The following HIF1A variants were observed in gnomAD, a reference collection of about 807,000 sequenced individuals.
HIF1A encodes hypoxia inducible factor 1 subunit alpha, also known as hypoxia-inducible factor 1-alpha.
In HIF1A, 24 loss-of-function variants were observed where a neutral mutation model predicts 92.7. The ratio of observed to expected loss-of-function variants is 0.26; its 90% CI spans 0.19 to 0.36. HIF1A has a LOEUF of 0.36. HIF1A is among the 10% of genes least tolerant of loss of function. The pLI, the probability that HIF1A is intolerant of heterozygous loss-of-function variation, is 1.00. For missense variants in HIF1A, 799 were observed against 998.5 expected (o/e 0.80, Z 2.69); for synonymous variants, 319 against 338.7 (o/e 0.94, Z 0.64).
At chr14:61,714,145 G>A (rs2044337798) in intron 1 of HIF1A, among the ~76,000 whole-genome samples, 1 of 152,168 alleles carries the variant, frequency 6.6e-6, no homozygotes, top group South Asian at 2.1e-4. Context: ...TGTGTGTAAG[G>A]AGTATATCTT....
intron 8 of HIF1A, among the ~76,000 whole-genome samples, chr14:61,734,516 A>G (rs534356571): frequency 2.0e-5 from 3 of 152,114 alleles, no homozygotes; most frequent in Admixed American, 6.6e-5. Context: ...CTTCACTCCT[A>G]TTTTTAAAAA....
chr14:61,709,409 A>C (rs1052259283), intron 1 of HIF1A, among the ~76,000 whole-genome samples: 2 of 152,240 alleles, frequency 1.3e-5, no homozygotes, highest in Non-Finnish European at 2.9e-5. Context: ...AAAAATTTAC[A>C]CATTATGGCT....
Position 61,738,185 on chromosome 14 carries a change from A to G in HIF1A, c.1348A>G (p.Met450Val), listed in dbSNP as rs1594884549. Residue 450 changes from methionine to valine, a missense_variant, in exon 10 of 15, where the codon ATG (methionine) becomes GTG (valine). Coordinates refer to ENST00000337138, the MANE Select transcript of HIF1A (RefSeq NM_001530.4). The stretch of plus-strand genomic sequence containing the variant: ...AAAATTACAGAATATAAATTTGGCA[A>G]TGTCTCCATTACCCACCGCTGAAAC... ...NEKLQNINLAMSPLPTAETPK... is the reference protein window; with the variant it reads ...NEKLQNINLAVSPLPTAETPK... 1.9e-6 allele frequency: 3 copies of G among 1,614,130 alleles called. No individual in the cohort carries two copies. The highest frequency in any genetic ancestry group is 4.5e-5 in the East Asian group (2 of 44,888).
At chr14:61,710,789 G>C (rs755608073) in intron 1 of HIF1A, among the ~76,000 whole-genome samples, 2 of 152,028 alleles carry the variant, frequency 1.3e-5, no homozygotes, top group African/African-American at 4.8e-5. Flanking sequence ...GGCCAGGCGC[G>C]GTGGCTCACG....
At chr14:61,735,878 CATA>C (rs1240684161) in intron 8 of HIF1A, among the ~76,000 whole-genome samples, 1 of 152,172 alleles carries the variant, frequency 6.6e-6, no homozygotes, top group Non-Finnish European at 1.5e-5. Flanking sequence ...GTGCCAATTT[CATA>C]ATGTGTGTCA....
chr14:61,741,360 CTTTCTTTTTTTTTTTTTT>C (rs1272855647), intron 12 of HIF1A, among the ~76,000 whole-genome samples, 172 bp downstream of exon 12: 2 of 61,604 alleles, frequency 3.2e-5, no homozygotes, highest in Non-Finnish European at 4.4e-5. Context: ...TTTTCTTTTT[CTTTCTTTTTTTTTTTTTT>C]GAGACAGAGT....
chr14:61,716,915 G>A (rs1020859085), intron 1 of HIF1A: 1 of 152,146 alleles, frequency 6.6e-6, no homozygotes, highest in Admixed American at 6.5e-5. Context: ...TAGAACAGTT[G>A]TAGAAATGGG....
intron 10 of HIF1A, among the ~76,000 whole-genome samples, chr14:61,738,742 G>A (rs1566576359): frequency 6.6e-6 from 1 of 152,024 alleles, no homozygotes. Flanking sequence ...CTTTTAGTTT[G>A]TTTTATTGTG....
chr14:61,715,274 G>A (rs568148628), intron 1 of HIF1A, among the ~76,000 whole-genome samples: 1 of 152,260 alleles, frequency 6.6e-6, no homozygotes, highest in East Asian at 1.9e-4. Context: ...CATTGTAGGT[G>A]CCTTTCAGTT....
At chr14:61,702,323 C>T (rs1026256069) in intron 1 of HIF1A, among the ~76,000 whole-genome samples, 6 of 149,688 alleles carry the variant, frequency 4.0e-5, no homozygotes, top group Non-Finnish European at 7.4e-5. Context: ...TGCCTGTAAT[C>T]CCAGCTACTC....
chr14:61,741,033 CA>C lies in HIF1A; in HGVS notation c.1939del (p.Ile647TyrfsTer31). 6.2e-7 allele frequency: 1 copy of C among 1,614,112 alleles called. No individual in the cohort carries two copies. On this transcript the variant is annotated frameshift_variant, in exon 12 of 15. Transcript: ENST00000337138. LOFTEE classifies it high-confidence loss of function. ...TGATTGCATCTCCATCTCCTACCCACATACATAAAGAAACTACTAGTGCCAC... is the reference window on the plus strand; with the variant it reads ...TGATTGCATCTCCATCTCCTACCCACTACATAAAGAAACTACTAGTGCCAC... ...ILIASPSPTH[I>X]HKETTSATSS...
At chr14:61,740,067 T>TTTTC (rs1555339362) in intron 10 of HIF1A, 2 of 118,566 alleles carry the variant, frequency 1.7e-5, no homozygotes, top group Non-Finnish European at 3.6e-5. Flanking sequence ...CACAAATTTT[T>TTTTC]TTTTTTTTTT....
chr14:61,719,600 G>T (rs2044402486), intron 1 of HIF1A, among the ~76,000 whole-genome samples: 1 of 152,188 alleles, frequency 6.6e-6, no homozygotes, highest in African/African-American at 2.4e-5. Context: ...GCTTTTGCTT[G>T]GTGTGACAAT....
Position 61,732,425 on chromosome 14 carries a change from G to T in HIF1A, c.781G>T (p.Glu261Ter). 6.3e-7 allele frequency: 1 copy of T among 1,596,314 alleles called. No individual in the cohort carries two copies. The highest frequency in any genetic ancestry group is 1.1e-5 in the South Asian group (1 of 90,084). ...TGTATTTTTTACTAACAGAATTACC[G>T]AATTGATGGGATATGAGCCAGAAGA... ...KFSYCDERITELMGYEPEELL... is the reference protein window; with the variant it reads ...KFSYCDERIT Residue 261 changes from glutamate (E) to a stop codon, truncating the protein, a stop_gained, in exon 7 of 15, where the codon GAA becomes TAA. Transcript: ENST00000337138. LOFTEE classifies it high-confidence loss of function.
At chr14:61,729,086 C>T (rs1272045586) in intron 6 of HIF1A, among the ~76,000 whole-genome samples, 2 of 152,210 alleles carry the variant, frequency 1.3e-5, no homozygotes, top group Non-Finnish European at 2.9e-5. Context: ...TAGATTCACT[C>T]ATGGCTTGCA....
At chr14:61,723,824 AATGTTCTT>A (rs1275860225) in intron 4 of HIF1A, among the ~76,000 whole-genome samples, 1 of 152,218 alleles carries the variant, frequency 6.6e-6, no homozygotes, top group East Asian at 1.9e-4. Flanking sequence ...TTTCGAACCA[AATGTTCTT>A]TTTTAAAGCA....
chr14:61,710,758 C>G (rs557157802), intron 1 of HIF1A, among the ~76,000 whole-genome samples: 5 of 151,690 alleles, frequency 3.3e-5, no homozygotes, highest in African/African-American at 1.2e-4. Context: ...TAAAAGTAAC[C>G]CTCCTTAAAA....
chr14:61,746,467 A>T (rs574991705), intron 14 of HIF1A, among the ~76,000 whole-genome samples: 21 of 140,702 alleles, frequency 1.5e-4, no homozygotes, highest in African/African-American at 5.8e-4. Context: ...GCATGATCAT[A>T]GCTCACTGCA....
At position 61,720,369 on chromosome 14, in the gene HIF1A, T is replaced by C. The variant is rs752822330; in HGVS notation, c.36-13T>C. On this transcript the variant is annotated splice_polypyrimidine_tract_variant and intron_variant, in intron 1 of 14. Coordinates refer to ENST00000337138, the MANE Select transcript of HIF1A (RefSeq NM_001530.4). ...ACTTTCCATCTCGTGTTTTTCTTGT[T>C]GTTGTTAAGTAGGATAAGTTCTGAA... 1 of 1,584,058 alleles carries C rather than the reference T, an allele frequency of 6.3e-7. No homozygotes were observed. Among genetic ancestry groups the C allele is most frequent in the South Asian group, 1.2e-5 (1 of 86,612 alleles).
Sources: allele counts gnomAD v4.1 joint callset (sites outside exome capture counted in the v4.1 genomes callset), GRCh38; gene constraint gnomAD v4.1.1; transcripts MANE v1.5; gene names NCBI Gene and HGNC (gene_info 2026-07-23, HGNC 2026-07-21).